The following TCF4 variants were observed in gnomAD, a reference collection of about 807,000 sequenced individuals.
TCF4 encodes transcription factor 4.
Under a neutral mutation model 82.1 loss-of-function variants are expected in TCF4, and 3 were observed. The observed-to-expected ratio is 0.04, with a 90% confidence interval of 0.02 to 0.09. The LOEUF (loss-of-function observed/expected upper bound fraction) is 0.09, where lower values mean the gene tolerates loss of function less well. Among genes scored for constraint, TCF4 ranks in the 10% least tolerant of loss-of-function variants. The pLI is 1.00. For synonymous variants in TCF4, 276 were observed against 309.6 expected (o/e 0.89, Z 1.14); for missense variants, 518 against 852.7 (o/e 0.61, Z 4.89).
chr18:55,467,022 A>G (rs570532943), intron 3 of TCF4, among the ~76,000 whole-genome samples: 2 of 152,244 alleles, frequency 1.3e-5, no homozygotes, highest in East Asian at 3.9e-4. Context: ...TCTGTTGAAC[A>G]GGCTTCCCCT....
intron 3 of TCF4, among the ~76,000 whole-genome samples, chr18:55,569,458 TCACTTGAACC>T (rs1321551070): frequency 6.6e-6 from 1 of 151,970 alleles, no homozygotes; most frequent in Non-Finnish European, 1.5e-5. Flanking sequence ...GGCAAGAGAA[TCACTTGAACC>T]CAGGAGGCAG....
intron 6 of TCF4, chr18:55,401,909 C>T (rs1603447290): frequency 1.2e-6 from 1 of 853,450 alleles, no homozygotes; most frequent in Non-Finnish European, 1.4e-6. Flanking sequence ...TTTCTTCTCC[C>T]CAAAACTCTA....
intron 3 of TCF4, among the ~76,000 whole-genome samples, chr18:55,470,976 G>A (rs114057525): frequency 1.3e-5 from 2 of 152,220 alleles, no homozygotes; most frequent in Non-Finnish European, 2.9e-5. Context: ...CACAGACTGC[G>A]TACATCTGTG....
chr18:55,224,163 GCTTT>G lies in TCF4; in HGVS notation c.*3868_*3871del, dbSNP rs1485056127. 2 of 121,898 alleles carry G rather than the reference GCTTT, an allele frequency of 1.6e-5. No individual in the cohort carries two copies. Among genetic ancestry groups the G allele is most frequent in the South Asian group, 2.4e-4 (1 of 4,224 alleles). 7.6% of individuals were successfully genotyped at this position (121,898 alleles called of 1,614,324 possible). On this transcript the variant is annotated 3_prime_UTR_variant, in exon 20 of 20. Transcript: ENST00000354452. ...AGGCACTGATACATGGTAAATCTCTGCTTTTTTTTTTTTTTTCTTATCTTCACTT... is the reference window on the plus strand; with the variant it reads ...AGGCACTGATACATGGTAAATCTCTGTTTTTTTTTTTTCTTATCTTCACTT...
rs1212349825 is a variant in TCF4 at position 55,408,885 on chromosome 18, C to T, written c.305-5367G>A. 3.3e-5 allele frequency among the ~76,000 whole-genome samples: 5 copies of T among 151,694 alleles called. No homozygotes were observed. In the East Asian group the frequency reaches 7.7e-4, roughly 23 times the overall value. On this transcript the variant is annotated intron_variant, in intron 5 of 19. Transcript: ENST00000354452. ...CTGAAGACTCTCAAATCCCAGAGCT[C>T]AAAACACTCATGAATTTGATATGAA...
intron 2 of TCF4, among the ~76,000 whole-genome samples, chr18:55,618,465 CTTTA>C (rs780672124): frequency 4.9e-4 from 74 of 151,946 alleles, no homozygotes; most frequent in African/African-American, 7.0e-4. Context: ...TAATTTCTGA[CTTTA>C]TTTGAGTTTT....
intron 2 of TCF4, among the ~76,000 whole-genome samples, chr18:55,596,432 T>C (rs1157046739): frequency 2.0e-5 from 3 of 152,244 alleles, no homozygotes; most frequent in Non-Finnish European, 4.4e-5. Flanking sequence ...GTCATAAAAT[T>C]ATTATATCAA....
intron 3 of TCF4, among the ~76,000 whole-genome samples, chr18:55,572,577 C>A (rs2097483834): frequency 6.6e-6 from 1 of 152,192 alleles, no homozygotes; most frequent in Admixed American, 6.5e-5. Flanking sequence ...AATACTGCTG[C>A]AATCCCAGAT....
intron 3 of TCF4, among the ~76,000 whole-genome samples, chr18:55,525,767 A>G (rs146370360): frequency 2.4e-4 from 34 of 144,400 alleles, no homozygotes; most frequent in African/African-American, 8.2e-4. Context: ...CAGAAATGGA[A>G]TAACTCAGTT....
At chr18:55,356,728 AATT>A (rs1441083899) in intron 6 of TCF4, among the ~76,000 whole-genome samples, 1 of 152,160 alleles carries the variant, frequency 6.6e-6, no homozygotes, top group South Asian at 2.1e-4. Flanking sequence ...GCATTTAATG[AATT>A]ATTATGTTAT....
chr18:55,519,827 C>T (rs1396917345), intron 3 of TCF4, among the ~76,000 whole-genome samples: 2 of 152,090 alleles, frequency 1.3e-5, no homozygotes, highest in Non-Finnish European at 2.9e-5. Flanking sequence ...GTGTCATTTC[C>T]CAACTGCAAA....
chr18:55,371,094 T>C (rs932487239), intron 6 of TCF4, among the ~76,000 whole-genome samples: 16 of 152,156 alleles, frequency 1.1e-4, no homozygotes, highest in Admixed American at 9.8e-4. Flanking sequence ...AGCTTAGACA[T>C]ATATGGTGTG....
At chr18:55,475,937 C>A (rs562213105) in intron 3 of TCF4, among the ~76,000 whole-genome samples, 5 of 152,126 alleles carry the variant, frequency 3.3e-5, no homozygotes, top group Non-Finnish European at 5.9e-5. Flanking sequence ...AAGATGAAGA[C>A]AAGATGGACT....
intron 17 of TCF4, 132 bp downstream of exon 17, chr18:55,232,377 T>C (rs540915135): frequency 5.4e-6 from 5 of 931,020 alleles, no homozygotes; most frequent in African/African-American, 1.6e-5. Flanking sequence ...ACTTCTAGAG[T>C]AGGCCTTTAA....
chr18:55,276,739 G>T (rs2061562035), intron 9 of TCF4, among the ~76,000 whole-genome samples: 1 of 152,142 alleles, frequency 6.6e-6, no homozygotes, highest in African/African-American at 2.4e-5. Context: ...GCTGTTAAAT[G>T]TATAGCAGAT....
At position 55,528,003 on chromosome 18, in the gene TCF4, C is replaced by G. The variant is rs117974062; in HGVS notation, c.145+57277G>C. Among the ~76,000 whole-genome samples, 519 of 152,190 alleles carry G rather than the reference C, an allele frequency of 3.4e-3. 2 individuals carry two copies. The highest frequency in any genetic ancestry group is 5.6e-3 in the Non-Finnish European group (379 of 68,004). ...GATATTTGTACCTACTTGAAGGTAA[C>G]CTTGAAACTCTTTTGTTGAATCTTT... On this transcript the variant is annotated intron_variant, in intron 3 of 19. Coordinates refer to ENST00000354452, the MANE Select transcript of TCF4 (RefSeq NM_001083962.2).
At chr18:55,592,225 T>A (rs2097686296), upstream of TCF4, among the ~76,000 whole-genome samples, 2 of 152,142 alleles carry the variant, frequency 1.3e-5, no homozygotes. Flanking sequence ...TAAATCCTCA[T>A]ATAGAAGTAT....
intron 5 of TCF4, among the ~76,000 whole-genome samples, chr18:55,420,542 A>C (rs2094696989): frequency 6.6e-6 from 1 of 151,994 alleles, no homozygotes; most frequent in Admixed American, 6.6e-5. Flanking sequence ...CCACACTGAC[A>C]ACAAAAGCAA....
intron 8 of TCF4, among the ~76,000 whole-genome samples, chr18:55,295,300 G>A (rs958542381): frequency 6.6e-6 from 1 of 152,170 alleles, no homozygotes; most frequent in Non-Finnish European, 1.5e-5. Context: ...CACTCTCTAT[G>A]TCTGGTAGAT....
Sources: gnomAD v4.1 joint callset for allele counts (sites outside exome capture counted in the v4.1 genomes callset) on GRCh38, gnomAD v4.1.1 for gene constraint, MANE v1.5 for transcripts, NCBI Gene and HGNC (gene_info 2026-07-23, HGNC 2026-07-21) for gene names.